Variants in XIRP2 observed in about 807,000 individuals in gnomAD.
XIRP2 encodes the protein xin actin-binding repeat-containing protein 2.
A neutral mutation model predicts 277.0 loss-of-function variants in XIRP2; 236 were observed. The observed-to-expected ratio is 0.85, with a 90% CI of 0.77 to 0.95. The LOEUF is 0.95. XIRP2 is among the 40% of genes least tolerant of loss of function. XIRP2 has a pLI of 0.00. For synonymous variants in XIRP2, 1,490 were observed against 1,416.5 expected, an observed-to-expected ratio of 1.05 and a Z score of -1.17; for missense variants, 4,640 against 4,157.5, an observed-to-expected ratio of 1.12 and a Z score of -3.19.
At chr2:167,144,197 C>A (rs1180158152) in intron 3 of XIRP2, among the ~76,000 whole-genome samples, 1 of 151,958 alleles carries the variant, frequency 6.6e-6, no homozygotes, top group Non-Finnish European at 1.5e-5. Flanking sequence ...AACACATAAA[C>A]TTTTCTCTTT....
In XIRP2 at chr2:167,013,257, C is replaced by T. The variant is rs188886400; in HGVS notation, c.408+109367C>T. 2.6e-5 allele frequency among the ~76,000 whole-genome samples: 4 copies of T among 151,272 alleles called. No homozygotes were observed. The East Asian group carries it at 7.8e-4, about 30-fold the overall frequency. On this transcript the variant is annotated intron_variant, in intron 2 of 10. Transcript: ENST00000409195. ...ATCAGATGCTCCTTGATGTTCTTCC[C>T]CATGCTGTTTCTTTCTGAATATATT...
At chr2:167,242,415 A>T (rs1317578038) in intron 8 of XIRP2, among the ~76,000 whole-genome samples, 154 bp from the exon 9 acceptor site, 2 of 152,220 alleles carry the variant, frequency 1.3e-5, no homozygotes, top group African/African-American at 4.8e-5. Context: ...ATTGACTATT[A>T]TTCCTAAGTT....
chr2:167,211,114 AT>A (rs972200268), intron 4 of XIRP2, among the ~76,000 whole-genome samples: 1 of 151,792 alleles, frequency 6.6e-6, no homozygotes, highest in East Asian at 1.9e-4. Flanking sequence ...TTTATTTTTT[AT>A]TTTTTTTGAG....
intron 2 of XIRP2, among the ~76,000 whole-genome samples, chr2:167,036,636 T>C (rs888124407): frequency 6.6e-6 from 1 of 152,210 alleles, no homozygotes; most frequent in African/African-American, 2.4e-5. Flanking sequence ...TTTGGGTTAA[T>C]GCTGAAATGA....
At chr2:166,899,032 G>A (rs1684312366) in intron 1 of XIRP2, among the ~76,000 whole-genome samples, 1 of 152,056 alleles carries the variant, frequency 6.6e-6, no homozygotes, top group South Asian at 2.1e-4. Flanking sequence ...TGGGGCTCAA[G>A]TCTGAAATTT....
chr2:167,111,430 A>G (rs913876681), intron 2 of XIRP2, among the ~76,000 whole-genome samples: 3 of 152,180 alleles, frequency 2.0e-5, no homozygotes, highest in African/African-American at 7.2e-5. Flanking sequence ...TATTGAGATA[A>G]TCCTATGGTT....
chr2:167,245,563 T>C lies in XIRP2; in HGVS notation c.4171T>C (p.Phe1391Leu), dbSNP rs1002415996. Residue 1391 changes from phenylalanine (F) to leucine (L), a missense_variant, in exon 9 of 11, where the codon TTT becomes CTT. By Grantham distance (22) the Phe-to-Leu change is conservative. Transcript: ENST00000409195. ...KGDVSSVRYR[F>L]ETQPLDQISE... is the part of the protein sequence containing the mutation. ...AGATGTTAGTTCTGTCAGATACAGA[T>C]TTGAAACTCAGCCACTGGATCAGAT... 2 of 1,613,638 alleles carry C rather than the reference T, an allele frequency of 1.2e-6. No individual in the cohort carries two copies. The highest frequency in any genetic ancestry group is 1.7e-6 in the Non-Finnish European group (2 of 1,179,750).
At chr2:167,030,289 C>T (rs1416533008) in intron 2 of XIRP2, among the ~76,000 whole-genome samples, 1 of 151,994 alleles carries the variant, frequency 6.6e-6, no homozygotes, top group Non-Finnish European at 1.5e-5. Context: ...TTCTCTAGTA[C>T]TTTTGATTGT....
At chr2:167,235,614 A>G (rs909583819) in intron 5 of XIRP2, among the ~76,000 whole-genome samples, 1 of 152,070 alleles carries the variant, frequency 6.6e-6, no homozygotes, top group African/African-American at 2.4e-5. Flanking sequence ...TGATAGGTAG[A>G]TAATACAGAT....
At chr2:167,014,809 T>G (rs1483063459) in intron 2 of XIRP2, among the ~76,000 whole-genome samples, 1 of 151,832 alleles carries the variant, frequency 6.6e-6, no homozygotes, top group Admixed American at 6.6e-5. Context: ...ATTTTACAGT[T>G]AAGAAAACTG....
At chr2:167,087,866 G>A (rs1035781253) in intron 2 of XIRP2, among the ~76,000 whole-genome samples, 6 of 152,118 alleles carry the variant, frequency 3.9e-5, no homozygotes, top group South Asian at 2.1e-4. Context: ...AGATGAACCC[G>A]GTACCTCAGA....
chr2:167,218,209 C>A lies in XIRP2; in HGVS notation c.767C>A (p.Ala256Asp). ...ATGTGCGCAGTGCCTGGTGGTTTGGCCAAGGTGAAGAAACAATTTGAGGAC... is the reference window on the plus strand; with the variant it reads ...ATGTGCGCAGTGCCTGGTGGTTTGGACAAGGTGAAGAAACAATTTGAGGAC... The part of the protein sequence containing the change: ...SEMCAVPGGL[A>D]KVKKQFEDEI... Residue 256 changes from alanine (A) to aspartate (D), a missense_variant, in exon 5 of 11, where the codon GCC (alanine) becomes GAC (aspartate). Physicochemically the swap from Ala to Asp is moderately radical, Grantham distance 126. Coordinates refer to ENST00000409195, the MANE Select transcript of XIRP2 (RefSeq NM_152381.6). The A allele has an allele frequency of 6.2e-7, 1 of 1,606,812 alleles. No individual in the cohort carries two copies. Among genetic ancestry groups the A allele is most frequent in the Non-Finnish European group, 8.5e-7 (1 of 1,177,040 alleles).
chr2:167,069,880 C>G (rs1689397016), intron 2 of XIRP2, among the ~76,000 whole-genome samples: 1 of 152,112 alleles, frequency 6.6e-6, no homozygotes, highest in African/African-American at 2.4e-5. Context: ...ACTCGGCTTT[C>G]TTAGTTTTTC....
chr2:166,967,440 G>A (rs1176875022), intron 2 of XIRP2, among the ~76,000 whole-genome samples: 2 of 151,910 alleles, frequency 1.3e-5, no homozygotes, highest in Non-Finnish European at 2.9e-5. Flanking sequence ...TAAACCATAT[G>A]TAAATAGATA....
intron 2 of XIRP2, among the ~76,000 whole-genome samples, chr2:167,098,007 A>G (rs60483034): frequency 0.26 from 39,803 of 152,022 alleles, 7,727 homozygotes; most frequent in African/African-American, 0.55. Flanking sequence ...AACCTTCGTG[A>G]ATCTGATGAT....
chr2:167,075,691 G>C (rs1389833417), intron 2 of XIRP2, among the ~76,000 whole-genome samples: 4 of 152,064 alleles, frequency 2.6e-5, no homozygotes, highest in East Asian at 1.9e-4. Flanking sequence ...ACCCAGGCTG[G>C]AGGGCAATGG....
At chr2:167,129,683 C>A (rs896744843) in intron 2 of XIRP2, among the ~76,000 whole-genome samples, 1 of 151,972 alleles carries the variant, frequency 6.6e-6, no homozygotes, top group African/African-American at 2.4e-5. Flanking sequence ...ACAGCCTGAA[C>A]AACATGGAGA....
intron 2 of XIRP2, among the ~76,000 whole-genome samples, chr2:167,108,807 T>C (rs1346722): frequency 0.33 from 49,326 of 151,544 alleles, 10,257 homozygotes; most frequent in African/African-American, 0.6. Flanking sequence ...AGTGTGATTA[T>C]GTGTTTCTTG....
At chr2:166,937,124 T>G (rs1029760105) in intron 2 of XIRP2, among the ~76,000 whole-genome samples, 10 of 152,208 alleles carry the variant, frequency 6.6e-5, no homozygotes, top group Non-Finnish European at 1.2e-4. Flanking sequence ...AACTTCCAAC[T>G]ATGCTGAATA....
Sources: allele counts gnomAD v4.1 joint callset (sites outside exome capture counted in the v4.1 genomes callset), GRCh38; gene constraint gnomAD v4.1.1; transcripts MANE v1.5; gene names NCBI Gene and HGNC (gene_info 2026-07-23, HGNC 2026-07-21).